PCCA: variants seen among roughly 807,000 people sequenced by gnomAD.
PCCA encodes propionyl-CoA carboxylase alpha chain, mitochondrial.
In PCCA, 74 loss-of-function variants were observed where a neutral mutation model predicts 101.3. The observed-to-expected ratio is 0.73, with a 90% CI of 0.61 to 0.89. The LOEUF is 0.89. Among genes scored for constraint, PCCA ranks in the 40% least tolerant of loss-of-function variants. The pLI is 0.00. For missense variants in PCCA, 891 were observed against 907.0 expected, an observed-to-expected ratio of 0.98 and a Z score of 0.23; for synonymous variants, 294 against 313.6, an observed-to-expected ratio of 0.94 and a Z score of 0.66.
intron 12 of PCCA, among the ~76,000 whole-genome samples, chr13:100,292,969 G>A (rs1462179911): frequency 2.7e-5 from 4 of 146,662 alleles, no homozygotes; most frequent in South Asian, 2.2e-4. Flanking sequence ...GTCTGTTTGT[G>A]TGTGTGTAAT....
chr13:100,173,215 C>T (rs1413118490), intron 6 of PCCA, among the ~76,000 whole-genome samples: 1 of 152,174 alleles, frequency 6.6e-6, no homozygotes, highest in African/African-American at 2.4e-5. Flanking sequence ...ATAGTGGAAG[C>T]AGCAGTGGTG....
At chr13:100,529,322 G>C (rs1437974756) in intron 23 of PCCA, among the ~76,000 whole-genome samples, 1 of 152,180 alleles carries the variant, frequency 6.6e-6, no homozygotes, top group Non-Finnish European at 1.5e-5. Context: ...GTGGAAAGCA[G>C]CCTTTTCAGT....
chr13:100,314,674 A>C (rs989932284), intron 16 of PCCA, among the ~76,000 whole-genome samples: 2 of 152,230 alleles, frequency 1.3e-5, no homozygotes, highest in African/African-American at 4.8e-5. Context: ...TATAATCATG[A>C]GGAAACATCA....
intron 22 of PCCA, among the ~76,000 whole-genome samples, chr13:100,525,354 C>A (rs1170846912): frequency 6.6e-6 from 1 of 152,234 alleles, no homozygotes; most frequent in Non-Finnish European, 1.5e-5. Context: ...GGGGACCCAG[C>A]ACTTGCAGTT....
chr13:100,301,862 G>A (rs1225261656), intron 13 of PCCA, among the ~76,000 whole-genome samples: 1 of 152,150 alleles, frequency 6.6e-6, no homozygotes, highest in African/African-American at 2.4e-5. Context: ...CAGAGCATTG[G>A]TTAAATACTC....
At chr13:100,286,338 G>T (rs1020659674) in intron 12 of PCCA, among the ~76,000 whole-genome samples, 40 of 152,276 alleles carry the variant, frequency 2.6e-4, no homozygotes, top group African/African-American at 8.7e-4. Flanking sequence ...TCACGCACGT[G>T]GCCCCTGCTG....
chr13:100,097,848 G>A (rs970102502), intron 1 of PCCA, among the ~76,000 whole-genome samples: 8 of 152,148 alleles, frequency 5.3e-5, no homozygotes, highest in Admixed American at 2.6e-4. Context: ...CCCCCCAGCC[G>A]CCCAGTCTCT....
In PCCA at chr13:100,155,013, T is replaced by C; in HGVS notation, c.335T>C (p.Val112Ala). The change falls in exon 5 of 24, where the codon GTT (valine) becomes GCT (alanine). Residue 112 changes from valine (V) to alanine (A), a missense_variant. Val to Ala is a moderately conservative substitution (Grantham distance 64, BLOSUM62 0). Transcript: ENST00000376285. ...AAAATGGCGGATGAGGCTGTCTGTG[T>C]TGGCCCAGCTCCCACCAGTAAAAGC... Reference protein sequence around the residue: ...HVKMADEAVCVGPAPTSKSYL... With the variant: ...HVKMADEAVCAGPAPTSKSYL... 6.2e-7 allele frequency: 1 copy of C among 1,614,134 alleles called. No homozygotes were observed. The highest frequency in any genetic ancestry group is 8.5e-7 in the Non-Finnish European group (1 of 1,179,984).
chr13:100,453,081 A>G (rs2081449652), intron 21 of PCCA, among the ~76,000 whole-genome samples: 1 of 152,096 alleles, frequency 6.6e-6, no homozygotes, highest in South Asian at 2.1e-4. Flanking sequence ...CTGTGGTCCC[A>G]GCTACCCAGG....
chr13:100,378,832 GTCTT>G (rs1209938204), intron 19 of PCCA, among the ~76,000 whole-genome samples: 1 of 151,686 alleles, frequency 6.6e-6, no homozygotes, highest in Non-Finnish European at 1.5e-5. Flanking sequence ...ATCCTTAATT[GTCTT>G]TCTGATTTTT....
intron 13 of PCCA, among the ~76,000 whole-genome samples, 189 bp downstream of exon 13, chr13:100,301,792 C>CTTAG (rs1429113681): frequency 6.6e-6 from 1 of 152,102 alleles, no homozygotes; most frequent in African/African-American, 2.4e-5. Flanking sequence ...AAGAATTGGG[C>CTTAG]TTAGTTAATT....
chr13:100,166,449 C>T (rs1218271359), intron 6 of PCCA, among the ~76,000 whole-genome samples: 1 of 152,090 alleles, frequency 6.6e-6, no homozygotes, highest in Admixed American at 6.6e-5. Context: ...CAGGTGTGCA[C>T]CACCATGCCC....
chr13:100,257,659 T>A lies in PCCA; in HGVS notation c.702T>A (p.Asp234Glu), dbSNP rs1275216618. ...GGAAAGGCATGCGCATTGCTTGGGATGATGAAGAGACCAGGTGAGAGGCTG... is the reference window on the plus strand; with the variant it reads ...GGAAAGGCATGCGCATTGCTTGGGAAGATGAAGAGACCAGGTGAGAGGCTG... ...GGGKGMRIAW[D>E]DEETRDGFRL... The change falls in exon 9 of 24, where the codon GAT becomes GAA. Residue 234 changes from aspartate to glutamate, a missense_variant. Physicochemically the swap from Asp to Glu is conservative, Grantham distance 45 (BLOSUM62 2). Transcript: ENST00000376285. 6.2e-7 allele frequency: 1 copy of A among 1,613,138 alleles called. No homozygotes were observed. The highest frequency in any genetic ancestry group is 1.7e-5 in the Admixed American group (1 of 59,998).
chr13:100,229,988 T>C (rs1170861936), intron 7 of PCCA, among the ~76,000 whole-genome samples: 1 of 152,234 alleles, frequency 6.6e-6, no homozygotes, highest in Non-Finnish European at 1.5e-5. Context: ...AATAGTTCTG[T>C]TGGCATTTGT....
Position 100,112,081 on chromosome 13 carries a change from G to T in PCCA, c.300+20G>T, listed in dbSNP as rs371217257. 41 of 1,586,310 alleles carry T rather than the reference G, an allele frequency of 2.6e-5. No individual in the cohort carries two copies. The African/African-American group carries it at 2.8e-4, about 11-fold the overall frequency. ...AGTTCTGTAAGTATATTTTTGCTTT[G>T]TTTAAATCAGGACTTAATTTTGGGT... On this transcript the variant is annotated intron_variant, in intron 4 of 23. Transcript: ENST00000376285.
intron 19 of PCCA, among the ~76,000 whole-genome samples, chr13:100,412,380 G>C (rs936980016): frequency 6.6e-6 from 1 of 152,154 alleles, no homozygotes; most frequent in Non-Finnish European, 1.5e-5. Flanking sequence ...TCTGGGTGAA[G>C]GGTGTAAGGG....
intron 16 of PCCA, among the ~76,000 whole-genome samples, chr13:100,313,008 T>C (rs569760594): frequency 2.0e-5 from 3 of 152,366 alleles, no homozygotes; most frequent in African/African-American, 7.2e-5. Context: ...ATAGAAAAGA[T>C]GAATGAATAG....
intron 4 of PCCA, chr13:100,154,487 G>A (rs907638834): frequency 1.1e-4 from 17 of 158,160 alleles, no homozygotes; most frequent in East Asian, 3.7e-4. Context: ...TCTTTCTTTC[G>A]TCTTAGGCTT....
At chr13:100,407,164 C>T (rs781263061) in intron 19 of PCCA, among the ~76,000 whole-genome samples, 21 of 152,104 alleles carry the variant, frequency 1.4e-4, no homozygotes, top group Non-Finnish European at 1.6e-4. Context: ...TTTAGAAATC[C>T]CATACAATTT....
Sources: gnomAD v4.1 joint callset for allele counts (sites outside exome capture counted in the v4.1 genomes callset) on GRCh38, gnomAD v4.1.1 for gene constraint, MANE v1.5 for transcripts, NCBI Gene and HGNC (gene_info 2026-07-23, HGNC 2026-07-21) for gene names.